The following TIMELESS variants were observed in gnomAD, a reference collection of about 807,000 sequenced individuals.
TIMELESS encodes the protein protein timeless homolog.
TIMELESS carries 124 observed loss-of-function variants against 164.3 expected under a neutral mutation model. That is an observed-to-expected ratio of 0.75 (90% CI 0.65 to 0.88). TIMELESS has a LOEUF of 0.88. Among genes scored for constraint, TIMELESS ranks in the 40% least tolerant of loss-of-function variants. The probability of loss-of-function intolerance (pLI) is 0.00; values close to 1 mark genes in which losing one functional copy is unlikely to be tolerated. For synonymous variants in TIMELESS, 564 were observed against 563.4 expected, an observed-to-expected ratio of 1.00 and a Z score of -0.02; for missense variants, 1,422 against 1,491.4, an observed-to-expected ratio of 0.95 and a Z score of 0.77.
chr12:56,437,528 T>A (rs1882112157), intron 1 of TIMELESS, among the ~76,000 whole-genome samples: 1 of 149,396 alleles, frequency 6.7e-6, no homozygotes, highest in Non-Finnish European at 1.5e-5. Flanking sequence ...ATACAGAAAA[T>A]GAGGCAGGAT....
At chr12:56,432,953 CAAAAAAAAAA>C in intron 6 of TIMELESS, 63 bp downstream of exon 6, 3 of 546,276 alleles carry the variant, frequency 5.5e-6, no homozygotes, top group East Asian at 8.8e-5. Flanking sequence ...GACTCCGTCT[CAAAAAAAAAA>C]AAAAAAAAAA....
chr12:56,424,634 A>T, intron 15 of TIMELESS, 128 bp downstream of exon 15: 1 of 1,089,768 alleles, frequency 9.2e-7, no homozygotes, highest in East Asian at 2.7e-5. Flanking sequence ...ACGCCCCAGG[A>T]GTCAGTTGGT....
rs1232576062 is a variant in TIMELESS at position 56,416,662 on chromosome 12, C to T, written c.*1054G>A. The T allele has an allele frequency of 6.6e-6, 1 of 151,666 alleles. No homozygotes were observed. Among genetic ancestry groups the T allele is most frequent in the Non-Finnish European group, 1.5e-5 (1 of 67,924 alleles). 9.4% of individuals were successfully genotyped at this position (151,666 alleles called of 1,614,324 possible). On this transcript the variant is annotated 3_prime_UTR_variant, in exon 29 of 29. Transcript: ENST00000553532. ...TACCCTAGACAAAAGGATCTAGAGG[C>T]AAAAATGCTTTTCTGTGTCTTCTGT...
At position 56,421,029 on chromosome 12, in the gene TIMELESS, C is replaced by A; in HGVS notation, c.2974G>T (p.Ala992Ser). ...SEEEEEGGSE[A>S]EQVQGSLVLS... Reference sequence around the variant, plus strand: ...ACTAAGCTACCCTGGACTTGTTCTGCTTCTGAGCCCCCTTCTTCTTCCTCT... The same window carrying A: ...ACTAAGCTACCCTGGACTTGTTCTGATTCTGAGCCCCCTTCTTCTTCCTCT... Residue 992 changes from alanine to serine, a missense_variant, in exon 24 of 29, where the codon GCA becomes TCA. Coordinates refer to ENST00000553532, the MANE Select transcript of TIMELESS (RefSeq NM_003920.5). The A allele has an allele frequency of 6.2e-7, 1 of 1,614,216 alleles. No homozygotes were observed. The highest frequency in any genetic ancestry group is 8.5e-7 in the Non-Finnish European group (1 of 1,180,052).
intron 11 of TIMELESS, 83 bp from the exon 12 acceptor site, chr12:56,428,735 A>C: frequency 6.8e-7 from 1 of 1,478,334 alleles, no homozygotes; most frequent in South Asian, 1.2e-5. Flanking sequence ...CAGCGAAAAA[A>C]AAAAATGTGC....
At position 56,445,504 on chromosome 12, in the gene TIMELESS, C is replaced by T. The variant is rs536075950; in HGVS notation, c.-62+3806G>A. On this transcript the variant is annotated intron_variant, in intron 1 of 28. Transcript: ENST00000553532. Reference sequence around the variant, plus strand: ...CTGTAATCCCAGCACTTTGGGAGGCCGAGGCGGGTGGATCACCTGAGGTCG... The same window carrying T: ...CTGTAATCCCAGCACTTTGGGAGGCTGAGGCGGGTGGATCACCTGAGGTCG... 1.2e-3 allele frequency among the ~76,000 whole-genome samples: 162 copies of T among 130,470 alleles called. 4 individuals are homozygous for T. The South Asian group carries it at 0.035, about 28-fold the overall frequency. The allele number at this position is 130,470 out of a possible 152,430, so 85.6% of individuals were successfully genotyped here.
Position 56,423,596 on chromosome 12 carries a change from T to C in TIMELESS, c.2078A>G (p.Asp693Gly). The C allele has an allele frequency of 6.2e-7, 1 of 1,614,090 alleles. No individual in the cohort carries two copies. The highest frequency in any genetic ancestry group is 8.5e-7 in the Non-Finnish European group (1 of 1,180,004). ...QVSEKEFNFL[D>G]YLKRFACSTV... ...TCTCAGCCCGCACCGTTTCAGGTAG[T>C]CCAGAAAATTAAATTCTTTCTCCGA... Residue 693 changes from aspartate to glycine, a missense_variant, in exon 17 of 29, where the codon GAC becomes GGC. Physicochemically the swap from Asp to Gly is moderately conservative, Grantham distance 94. Transcript: ENST00000553532.
rs1198657119 is a variant in TIMELESS, at chr12:56,421,428, G to A, written c.2791C>T (p.Leu931Phe). The change falls in exon 23 of 29, where the codon CTC (leucine) becomes TTC (phenylalanine). Residue 931 changes from leucine (L) to phenylalanine (F), a missense_variant. Coordinates refer to ENST00000553532, the MANE Select transcript of TIMELESS (RefSeq NM_003920.5). ...TCAGCCACCAGCCCCAGAGCCAAGAGTTTATCCACTATTCGGGCCCGTGAG... is the reference window on the plus strand; with the variant it reads ...TCAGCCACCAGCCCCAGAGCCAAGAATTTATCCACTATTCGGGCCCGTGAG... Reference protein sequence around the residue: ...KRSRARIVDKLLALGLVAERR... With the variant: ...KRSRARIVDKFLALGLVAERR... 6 of 1,614,148 alleles carry A rather than the reference G, an allele frequency of 3.7e-6. No homozygotes were observed. Among genetic ancestry groups the A allele is most frequent in the Non-Finnish European group, 5.1e-6 (6 of 1,180,032 alleles).
At position 56,430,116 on chromosome 12, in the gene TIMELESS, C is replaced by G. The variant is rs775748212; in HGVS notation, c.1075G>C (p.Gly359Arg). ...TCACAGGTTCTCACCTTTACTGATC[C>G]CATGAGCCGGTTGTAACAGTTCTCC... ...FLENCYNRLM[G>R]SVKDHLLREK... The change falls in exon 10 of 29, where the codon GGA becomes CGA. Residue 359 changes from glycine (G) to arginine (R), a missense_variant. Transcript: ENST00000553532. 79 of 1,611,794 alleles carry G rather than the reference C, an allele frequency of 4.9e-5. No homozygotes were observed. The highest frequency in any genetic ancestry group is 6.5e-5 in the Non-Finnish European group (77 of 1,179,362).
intron 19 of TIMELESS, 134 bp downstream of exon 19, chr12:56,422,713 C>T: frequency 1.0e-6 from 1 of 996,636 alleles, no homozygotes; most frequent in Non-Finnish European, 1.5e-6. Flanking sequence ...ACCTCCTGAG[C>T]CTGTTCTCTC....
Position 56,433,808 on chromosome 12 carries a change from G to A in TIMELESS, c.216C>T (p.His72=). ...CATCAAAGAGAGGCTTGTCCTGGTGGTGCTGGGTGAGGATGGGCAGAAGGT... is the reference window on the plus strand; with the variant it reads ...CATCAAAGAGAGGCTTGTCCTGGTGATGCTGGGTGAGGATGGGCAGAAGGT... ...QSDLLPILTQ[H]HQDKPLFDAV... The change falls in exon 3 of 29, where the codon CAC becomes CAT. Residue 72 remains histidine, a synonymous_variant. Coordinates refer to ENST00000553532, the MANE Select transcript of TIMELESS (RefSeq NM_003920.5). 1 of 1,614,168 alleles carries A rather than the reference G, an allele frequency of 6.2e-7. No homozygotes were observed. Among genetic ancestry groups the A allele is most frequent in the Non-Finnish European group, 8.5e-7 (1 of 1,180,036 alleles).
chr12:56,422,985 AC>A lies in TIMELESS; in HGVS notation c.2299del (p.Val767Ter). 1 of 1,613,610 alleles carries A rather than the reference AC, an allele frequency of 6.2e-7. No individual in the cohort carries two copies. The highest frequency in any genetic ancestry group is 2.2e-5 in the East Asian group (1 of 44,876). On this transcript the variant is annotated frameshift_variant, in exon 19 of 29. Coordinates refer to ENST00000553532, the MANE Select transcript of TIMELESS (RefSeq NM_003920.5). LOFTEE classifies it high-confidence loss of function. ...DPAAGAYKEL[V>X]TFAKYILGKF... ...GCCCAGGATGTATTTGGCAAAAGTC[AC>A]TAGCTCCTGTAGGAGAAGGAGGTTA... is the stretch of plus-strand genomic sequence containing the variant.
In TIMELESS at chr12:56,430,085, T is replaced by C; in HGVS notation, c.1086+20A>G. 1 of 1,595,226 alleles carries C rather than the reference T, an allele frequency of 6.3e-7. No homozygotes were observed. The highest frequency in any genetic ancestry group is 8.5e-7 in the Non-Finnish European group (1 of 1,170,738). On this transcript the variant is annotated intron_variant, in intron 10 of 28. Coordinates refer to ENST00000553532, the MANE Select transcript of TIMELESS (RefSeq NM_003920.5). The stretch of plus-strand genomic sequence containing the variant: ...TCTATTCCATTCCTGATTATCTCCA[T>C]ATCCTTCACAGGTTCTCACCTTTAC...
In TIMELESS at chr12:56,434,094, T is replaced by G. The variant is rs1008547254; in HGVS notation, c.77A>C (p.His26Pro). The change falls in exon 2 of 29, where the codon CAT (histidine) becomes CCT (proline). Residue 26 changes from histidine (H) to proline (P), a missense_variant. By Grantham distance (77) the His-to-Pro change is moderately conservative (BLOSUM62 -2). Coordinates refer to ENST00000553532, the MANE Select transcript of TIMELESS (RefSeq NM_003920.5). Reference sequence around the variant, plus strand: ...CTCACCTAAGCAATCTGGTTCCTTATGGTAAGTGTCTCCCTCCAAGTACCC... The same window carrying G: ...CTCACCTAAGCAATCTGGTTCCTTAGGGTAAGTGTCTCCCTCCAAGTACCC... ...ALGYLEGDTY[H>P]KEPDCLESVK... 1.2e-6 allele frequency: 2 copies of G among 1,614,038 alleles called. No individual in the cohort carries two copies. The highest frequency in any genetic ancestry group is 1.7e-5 in the Admixed American group (1 of 59,994).
chr12:56,433,686 G>A (rs1179147013), intron 3 of TIMELESS, 34 bp from the exon 4 acceptor site: 4 of 1,613,648 alleles, frequency 2.5e-6, no homozygotes, highest in Non-Finnish European at 3.4e-6. Context: ...AAGTTGTTAA[G>A]TTTCTTTACC....
At chr12:56,435,118 A>T (rs79753941) in intron 1 of TIMELESS, among the ~76,000 whole-genome samples, 5,614 of 152,222 alleles carry the variant, frequency 0.037, 147 homozygotes, top group Non-Finnish European at 0.057. Context: ...CACAGGAATT[A>T]AAAAAACCGA....
chr12:56,417,755 C>G lies in TIMELESS; in HGVS notation c.3588G>C (p.Lys1196Asn). The G allele has an allele frequency of 6.2e-7, 1 of 1,614,168 alleles. No homozygotes were observed. The highest frequency in any genetic ancestry group is 8.5e-7 in the Non-Finnish European group (1 of 1,180,048). ...APELGAPGIQ[K>N]KKRYQIEDDE... ...CATCCTCAATCTGGTATCGTTTCTT[C>G]TTTTGGATTCCTGGAGCTCCCAACT... Residue 1196 changes from lysine (K) to asparagine (N), a missense_variant, in exon 29 of 29, where the codon AAG becomes AAC. Coordinates refer to ENST00000553532, the MANE Select transcript of TIMELESS (RefSeq NM_003920.5).
chr12:56,430,654 A>G (rs993458926), intron 9 of TIMELESS, among the ~76,000 whole-genome samples: 8 of 151,944 alleles, frequency 5.3e-5, no homozygotes, highest in Admixed American at 1.3e-4. Flanking sequence ...GGCATGAGCC[A>G]TTGTACCCAA....
intron 1 of TIMELESS, among the ~76,000 whole-genome samples, chr12:56,446,415 C>T (rs538680706): frequency 6.6e-6 from 1 of 152,142 alleles, no homozygotes; most frequent in South Asian, 2.1e-4. Flanking sequence ...GTTTCAGTGA[C>T]CTCCAGTGCC....
Sources: gnomAD v4.1 joint callset for allele counts (sites outside exome capture counted in the v4.1 genomes callset) on GRCh38, gnomAD v4.1.1 for gene constraint, MANE v1.5 for transcripts, NCBI Gene and HGNC (gene_info 2026-07-23, HGNC 2026-07-21) for gene names.